Variants in OPLAH observed in about 807,000 individuals in gnomAD.
The protein encoded by OPLAH is 5-oxoprolinase, ATP-hydrolysing.
A neutral mutation model predicts 122.8 loss-of-function variants in OPLAH; 103 were observed. The ratio of observed to expected loss-of-function variants is 0.84; its 90% CI spans 0.71 to 0.99. The LOEUF (loss-of-function observed/expected upper bound fraction) is 0.99. Ranked by LOEUF, OPLAH falls within the 50% of genes least tolerant of loss-of-function variation. The pLI is 0.00. For synonymous variants in OPLAH, 875 were observed against 796.0 expected (o/e 1.10, Z -1.67); for missense variants, 1,902 against 1,836.5 (o/e 1.04, Z -0.65).
At position 144,052,841 on chromosome 8, in the gene OPLAH, T is replaced by TGCGTTGAGATTACCAAACACGCGG. The variant is rs782770103; in HGVS notation, c.3077_3078insCCGCGTGTTTGGTAATCTCAACGC (p.Ala1026_Pro1027insArgValPheGlyAsnLeuAsnAla). 5 of 1,555,356 alleles carry TGCGTTGAGATTACCAAACACGCGG rather than the reference T, an allele frequency of 3.2e-6. No homozygotes were observed. Among genetic ancestry groups the TGCGTTGAGATTACCAAACACGCGG allele is most frequent in the Admixed American group, 3.9e-5 (2 of 51,408 alleles). The stretch of plus-strand genomic sequence containing the variant: ...GGGCGGACAGGGTTACGGCCCGCGG[T>TGCGTTGAGATTACCAAACACGCGG]GCGTTGAGATTACCAAACACCTCCG... On this transcript the variant is annotated inframe_insertion, in exon 22 of 27. Transcript: ENST00000618853.
At chr8:144,060,205 G>A in intron 1 of OPLAH, 120 bp from the exon 2 acceptor site, 1 of 747,322 alleles carries the variant, frequency 1.3e-6, no homozygotes, top group Non-Finnish European at 2.1e-6. Context: ...GGAAGAGCCA[G>A]AGCCGCAGGC....
At position 144,054,561 on chromosome 8, in the gene OPLAH, C is replaced by T; in HGVS notation, c.2686G>A (p.Ala896Thr). Reference sequence around the variant, plus strand: ...CCTGCCCCACCCCACTCCCACTCACCCTCCTCCTGGAAGACGCCCCCCTGG... The same window carrying T: ...CCTGCCCCACCCCACTCCCACTCACTCTCCTCCTGGAAGACGCCCCCCTGG... ...LVQGGVFQEE[A>T]VTEALRAPGK... Residue 896 changes from alanine (A) to threonine (T), a missense_variant and splice_region_variant, in exon 19 of 27, where the codon GCG becomes ACG. Physicochemically the swap from Ala to Thr is moderately conservative, Grantham distance 58. Coordinates refer to ENST00000618853, the MANE Select transcript of OPLAH (RefSeq NM_017570.5). The T allele has an allele frequency of 6.3e-7, 1 of 1,577,948 alleles. No individual in the cohort carries two copies. The highest frequency in any genetic ancestry group is 1.2e-5 in the South Asian group (1 of 86,878).
Position 144,058,324 on chromosome 8 carries a change from C to T in OPLAH, c.864G>A (p.Ser288=), listed in dbSNP as rs1554759938. The T allele has an allele frequency of 4.4e-6, 7 of 1,601,362 alleles. No homozygotes were observed. The highest frequency in any genetic ancestry group is 6.0e-6 in the Non-Finnish European group (7 of 1,176,140). Residue 288 remains serine, a synonymous_variant, in exon 7 of 27, where the codon TCG becomes TCA. Transcript: ENST00000618853. ...AGCCCACCACGCCGCCGGCCGGGCC[C>T]GAGAGCACAGCACTGGAGCCGCTGA... ...DTFSGSSAVL[S]GPAGGVVGYS... is the part of the protein sequence containing the mutation.
intron 10 of OPLAH, 36 bp downstream of exon 10, chr8:144,057,412 G>T (rs782681210): frequency 1.3e-6 from 2 of 1,590,578 alleles, no homozygotes; most frequent in South Asian, 2.3e-5. Context: ...AGCAGGGCTG[G>T]GGGCAGGACA....
At chr8:144,056,317 C>T in intron 14 of OPLAH, 58 bp from the exon 15 acceptor site, 1 of 1,595,764 alleles carries the variant, frequency 6.3e-7, no homozygotes, top group Non-Finnish European at 8.6e-7. Context: ...CGATGCCTCT[C>T]ACAGGGCTTG....
At position 144,052,020 on chromosome 8, in the gene OPLAH, C is replaced by T. The variant is rs782094303; in HGVS notation, c.3518G>A (p.Arg1173His). Residue 1173 changes from arginine (R) to histidine (H), a missense_variant, in exon 25 of 27, where the codon CGC becomes CAC. Physicochemically the swap from Arg to His is conservative, Grantham distance 29. Coordinates refer to ENST00000618853, the MANE Select transcript of OPLAH (RefSeq NM_017570.5). ...ELRRGSGGRG[R>H]FRGGDGVTRE... ...GGTGACGCCGTCGCCGCCTCGGAAG[C>T]GGCCTCTGCCCCCCGAGCCCCGCCG... The T allele has an allele frequency of 3.1e-6, 5 of 1,589,670 alleles. No homozygotes were observed. Among genetic ancestry groups the T allele is most frequent in the Non-Finnish European group, 4.3e-6 (5 of 1,176,234 alleles).
At chr8:144,062,970 C>T (rs1210008459), upstream of OPLAH, among the ~76,000 whole-genome samples, 3 of 152,084 alleles carry the variant, frequency 2.0e-5, no homozygotes, top group African/African-American at 7.2e-5. Flanking sequence ...AGCCAACCCC[C>T]ACCCACCCAG....
rs782359161 is a variant in OPLAH, at chr8:144,052,905, G to T, written c.3019-5C>A. 5 of 1,558,458 alleles carry T rather than the reference G, an allele frequency of 3.2e-6. No homozygotes were observed. In the African/African-American group the frequency reaches 6.8e-5, roughly 21 times the overall value. On this transcript the variant is annotated splice_region_variant and splice_polypyrimidine_tract_variant and intron_variant, in intron 21 of 26. Transcript: ENST00000618853. ...GAAGTCAAACACGGCGCTGCCCTGCGCGCCCCGAGGGAAGGGAGAGGCTGT... is the reference window on the plus strand; with the variant it reads ...GAAGTCAAACACGGCGCTGCCCTGCTCGCCCCGAGGGAAGGGAGAGGCTGT...
upstream of OPLAH, among the ~76,000 whole-genome samples, chr8:144,060,964 G>A (rs1835652996): frequency 6.6e-6 from 1 of 152,244 alleles, no homozygotes; most frequent in African/African-American, 2.4e-5. Context: ...GGCAAGGGGA[G>A]CTGGCAGCCC....
Position 144,053,379 on chromosome 8 carries a change from G to A in OPLAH, c.2701C>T (p.Leu901=), listed in dbSNP as rs782056285. The change falls in exon 20 of 27, where the codon CTG becomes TTG. Residue 901 remains leucine (L), a synonymous_variant. Coordinates refer to ENST00000618853, the MANE Select transcript of OPLAH (RefSeq NM_017570.5). ...VFQEEAVTEA[L]RAPGKVPNCS... The stretch of plus-strand genomic sequence containing the variant: ...TTGGGGACCTTGCCTGGCGCCCGCA[G>A]GGCCTCCGTCACCGCTGGATGGACA... 3.1e-6 allele frequency: 5 copies of A among 1,611,084 alleles called. No homozygotes were observed. The Admixed American group carries it at 8.4e-5, about 27-fold the overall frequency.
Position 144,053,393 on chromosome 8 carries a change from G to A in OPLAH, c.2687C>T (p.Ala896Val), listed in dbSNP as rs201094331. The A allele has an allele frequency of 2.9e-4, 472 of 1,606,336 alleles. No homozygotes were observed. Among genetic ancestry groups the A allele is most frequent in the Non-Finnish European group, 3.8e-4 (449 of 1,176,834 alleles). ...TGGCGCCCGCAGGGCCTCCGTCACC[G>A]CTGGATGGACAGTGTCATCACTGAG... ...LVQGGVFQEEAVTEALRAPGK... is the reference protein window; with the variant it reads ...LVQGGVFQEEVVTEALRAPGK... The change falls in exon 20 of 27, where the codon GCG (alanine) becomes GTG (valine). Residue 896 changes from alanine to valine, a missense_variant and splice_region_variant. Around this residue, in one of 3 missense-constraint regions of OPLAH, gnomAD observed 1,726 missense variants for 1,642.1 expected, o/e 1.05. Coordinates refer to ENST00000618853, the MANE Select transcript of OPLAH (RefSeq NM_017570.5).
At chr8:144,050,499 G>A (rs530029761), downstream of OPLAH, 24 of 985,482 alleles carry the variant, frequency 2.4e-5, no homozygotes, top group South Asian at 8.9e-4. Context: ...GGAGCCAGGA[G>A]GCCCGGCCCC....
intron 10 of OPLAH, 28 bp from the exon 11 acceptor site, chr8:144,057,348 T>C: frequency 6.3e-7 from 1 of 1,596,896 alleles, no homozygotes; most frequent in Non-Finnish European, 8.5e-7. Flanking sequence ...GTCAGTGGGC[T>C]CTCCTACTCT....
upstream of OPLAH, among the ~76,000 whole-genome samples, chr8:144,060,914 C>T (rs2129860575): frequency 6.6e-6 from 1 of 152,368 alleles, no homozygotes; most frequent in Admixed American, 6.5e-5. Context: ...CTGGGCTCGC[C>T]TAGCGTGGGC....
Position 144,052,790 on chromosome 8 carries a change from C to T in OPLAH, c.3129G>A (p.Val1043=), listed in dbSNP as rs782393271. ...CCTGGTTGAGTGGGATGTCGCGGCC[C>T]ACCAGACAGCGCAGGCAGTAGATGA... is the stretch of plus-strand genomic sequence containing the variant. ...SALIYCLRCL[V]GRDIPLNQGC... The change falls in exon 22 of 27, where the codon GTG becomes GTA. Residue 1043 remains valine (V), a synonymous_variant. Coordinates refer to ENST00000618853, the MANE Select transcript of OPLAH (RefSeq NM_017570.5). The T allele has an allele frequency of 6.4e-7, 1 of 1,564,636 alleles. No homozygotes were observed. The highest frequency in any genetic ancestry group is 8.7e-7 in the Non-Finnish European group (1 of 1,155,796).
At position 144,057,757 on chromosome 8, in the gene OPLAH, G is replaced by A. The variant is rs901614735; in HGVS notation, c.1157-44C>T. The stretch of plus-strand genomic sequence containing the variant: ...GTGGGGCTTGGGGGCTGGAGGCAGG[G>A]GAGCAGGAGTAGGCAGCAGGGATAG... On this transcript the variant is annotated intron_variant, in intron 9 of 26. Coordinates refer to ENST00000618853, the MANE Select transcript of OPLAH (RefSeq NM_017570.5). The A allele has an allele frequency of 3.1e-6, 5 of 1,609,918 alleles. No homozygotes were observed. The South Asian group carries it at 4.4e-5, about 14-fold the overall frequency.
intron 1 of OPLAH, among the ~76,000 whole-genome samples, chr8:144,060,289 C>G (rs1835636540): frequency 6.6e-6 from 1 of 152,272 alleles, no homozygotes; most frequent in African/African-American, 2.4e-5. Context: ...CCATGCCCAG[C>G]ATCGCGCTTC....
Position 144,055,030 on chromosome 8 carries a change from T to C in OPLAH, c.2408A>G (p.Gln803Arg). 1 of 1,488,224 alleles carries C rather than the reference T, an allele frequency of 6.7e-7. No individual in the cohort carries two copies. 92.2% of individuals were successfully genotyped at this position (1,488,224 alleles called of 1,614,324 possible). A position where few individuals can be genotyped will look rare whatever the true frequency, so the allele number is the denominator to read the frequency against. Reference sequence around the variant, plus strand: ...AGGGTGAGGCGGGGGAAGGGCCACCTGGAACTGCACCGTCTCCTGCATGGC... The same window carrying C: ...AGGGTGAGGCGGGGGAAGGGCCACCCGGAACTGCACCGTCTCCTGCATGGC... ...LGAMQETVQF[Q>R]IQHLGADLHP... Residue 803 changes from glutamine to arginine, a missense_variant and splice_region_variant, in exon 17 of 27, where the codon CAG becomes CGG. By Grantham distance (43) the Gln-to-Arg change is conservative. Around this residue, in one of 3 missense-constraint regions of OPLAH, gnomAD observed 1,726 missense variants for 1,642.1 expected, o/e 1.05. Transcript: ENST00000618853. The surrounding 1 kb of genome is among the most constrained non-coding windows in gnomAD (Gnocchi z 6.5).
chr8:144,052,695 G>A (rs1337254312), intron 22 of OPLAH, 71 bp downstream of exon 22: 86 of 1,539,194 alleles, frequency 5.6e-5, no homozygotes, highest in South Asian at 1.5e-4. Flanking sequence ...TCAGACCGTG[G>A]CTGGGCCCAG....
Sources: allele counts gnomAD v4.1 joint callset (sites outside exome capture counted in the v4.1 genomes callset), GRCh38; gene constraint gnomAD v4.1.1; regional missense constraint gnomAD v4.1.1; non-coding constraint Gnocchi (gnomAD v3.1); transcripts MANE v1.5; gene names NCBI Gene and HGNC (gene_info 2026-07-23, HGNC 2026-07-21).